Variants in CARMIL1 observed in about 807,000 individuals in gnomAD.
The protein encoded by CARMIL1 is capping protein regulator and myosin 1 linker 1.
A neutral mutation model predicts 177.1 loss-of-function variants in CARMIL1; 90 were observed. The ratio of observed to expected loss-of-function variants is 0.51; its 90% CI spans 0.43 to 0.61. CARMIL1 has a LOEUF of 0.61. Ranked by LOEUF, CARMIL1 falls within the 20% of genes least tolerant of loss-of-function variation. The probability of loss-of-function intolerance (pLI) is 0.00; values close to 1 mark genes in which losing one functional copy is unlikely to be tolerated. For missense variants in CARMIL1, 1,380 were observed against 1,667.0 expected (o/e 0.83, Z 3.00); for synonymous variants, 577 against 606.2 (o/e 0.95, Z 0.71).
chr6:25,463,624 A>C (rs964812977), intron 8 of CARMIL1, among the ~76,000 whole-genome samples: 1 of 152,214 alleles, frequency 6.6e-6, no homozygotes, highest in Non-Finnish European at 1.5e-5. Context: ...CTGAATGTTG[A>C]AATATACAAG....
intron 2 of CARMIL1, among the ~76,000 whole-genome samples, chr6:25,390,819 T>C (rs559542766): frequency 6.6e-6 from 1 of 152,194 alleles, no homozygotes; most frequent in Non-Finnish European, 1.5e-5. Context: ...GCCTTCCCAG[T>C]AGCTGGGATT....
intron 2 of CARMIL1, among the ~76,000 whole-genome samples, chr6:25,369,207 T>C (rs995488737): frequency 6.6e-6 from 1 of 152,160 alleles, no homozygotes; most frequent in African/African-American, 2.4e-5. Context: ...TAGGGAACGC[T>C]TCTTGGAAGT....
chr6:25,315,002 G>T (rs1002984283), intron 2 of CARMIL1, among the ~76,000 whole-genome samples: 1 of 152,066 alleles, frequency 6.6e-6, no homozygotes. Flanking sequence ...AAATACAATA[G>T]CTCCTATTTA....
intron 8 of CARMIL1, among the ~76,000 whole-genome samples, chr6:25,459,404 A>G (rs1030678929): frequency 2.0e-5 from 3 of 149,832 alleles, no homozygotes; most frequent in African/African-American, 7.4e-5. Flanking sequence ...TTATATTTTT[A>G]ATGTTTTACA....
intron 23 of CARMIL1, among the ~76,000 whole-genome samples, chr6:25,526,015 A>G (rs1807060038): frequency 6.6e-6 from 1 of 152,034 alleles, no homozygotes; most frequent in African/African-American, 2.4e-5. Context: ...AGGTATAGAA[A>G]ATGGACATTC....
At chr6:25,335,573 A>T (rs1786125536) in intron 2 of CARMIL1, among the ~76,000 whole-genome samples, 1 of 152,246 alleles carries the variant, frequency 6.6e-6, no homozygotes, top group Admixed American at 6.5e-5. Context: ...TAAAGGAGAG[A>T]AATAGGATGA....
chr6:25,442,908 C>A (rs1415067720), intron 5 of CARMIL1, among the ~76,000 whole-genome samples: 1 of 152,120 alleles, frequency 6.6e-6, no homozygotes, highest in East Asian at 1.9e-4. Flanking sequence ...AAAACTGAGG[C>A]TCTGGTTTCC....
chr6:25,605,442 G>C lies in CARMIL1; in HGVS notation c.3634+549G>C, dbSNP rs538314068. 4.9e-4 allele frequency among the ~76,000 whole-genome samples: 74 copies of C among 152,322 alleles called. 1 individual carries two copies. Among genetic ancestry groups the C allele is most frequent in the South Asian group, 8.3e-4 (4 of 4,832 alleles). On this transcript the variant is annotated intron_variant, in intron 34 of 36. Coordinates refer to ENST00000329474, the MANE Select transcript of CARMIL1 (RefSeq NM_017640.6). ...AGAATCCTCACTTTGCTATTTGAGA[G>C]TCTTATGCATAGCTACAGTATCTTG... is the stretch of plus-strand genomic sequence containing the variant.
intron 2 of CARMIL1, among the ~76,000 whole-genome samples, chr6:25,407,204 C>G (rs1376270308): frequency 6.6e-6 from 1 of 151,980 alleles, no homozygotes; most frequent in African/African-American, 2.4e-5. Context: ...GTATGGGTAC[C>G]TTTTTTGAGA....
In CARMIL1 at chr6:25,509,580, C is replaced by T; in HGVS notation, c.1396-76C>T. ...AAGTTTATTTTAAGACTGACTGTCTCTCCTATTTTTAATTTTTTGATTACA... is the reference window on the plus strand; with the variant it reads ...AAGTTTATTTTAAGACTGACTGTCTTTCCTATTTTTAATTTTTTGATTACA... On this transcript the variant is annotated intron_variant, in intron 17 of 36. Coordinates refer to ENST00000329474, the MANE Select transcript of CARMIL1 (RefSeq NM_017640.6). The surrounding 1 kb of genome is among the most constrained non-coding windows in gnomAD (Gnocchi z 4.1). 1.1e-6 allele frequency: 1 copy of T among 914,416 alleles called. No individual in the cohort carries two copies. Among genetic ancestry groups the T allele is most frequent in the Non-Finnish European group, 1.7e-6 (1 of 578,750 alleles). The allele number at this position is 914,416 out of a possible 1,614,324, so 56.6% of individuals were successfully genotyped here.
chr6:25,462,963 G>GT (rs982071287), intron 8 of CARMIL1, among the ~76,000 whole-genome samples: 19 of 152,128 alleles, frequency 1.2e-4, no homozygotes, highest in African/African-American at 4.1e-4. Context: ...CCTTCTAATT[G>GT]TTTTTTTAAC....
At chr6:25,579,664 C>T (rs1179303082) in intron 29 of CARMIL1, among the ~76,000 whole-genome samples, 1 of 152,096 alleles carries the variant, frequency 6.6e-6, no homozygotes, top group Non-Finnish European at 1.5e-5. Context: ...CTGCCTTTAA[C>T]AAAACCTTGA....
intron 2 of CARMIL1, among the ~76,000 whole-genome samples, chr6:25,355,792 C>A (rs772480031): frequency 2.0e-5 from 3 of 152,154 alleles, no homozygotes; most frequent in African/African-American, 7.2e-5. Flanking sequence ...AAAGAGAAAA[C>A]CACATGAAAT....
rs557966400 is a variant in CARMIL1 at position 25,341,584 on chromosome 6, T to C, written c.138+56675T>C. Among the ~76,000 whole-genome samples the C allele has an allele frequency of 2.0e-5, 3 of 152,292 alleles. No individual in the cohort carries two copies. The South Asian group carries it at 6.2e-4, about 32-fold the overall frequency. ...ACTAAAAATACAAAAATTAGCGTGG[T>C]GCACACGCCTGTAGTCCCAGCTACT... On this transcript the variant is annotated intron_variant, in intron 2 of 36. Transcript: ENST00000329474.
In CARMIL1 at chr6:25,471,261, A is replaced by G. The variant is rs1801074789; in HGVS notation, c.779+4A>G. The G allele has an allele frequency of 6.2e-7, 1 of 1,600,074 alleles. No individual in the cohort carries two copies. The highest frequency in any genetic ancestry group is 1.3e-5 in the African/African-American group (1 of 74,438). On this transcript the variant is annotated splice_donor_region_variant and intron_variant, in intron 10 of 36. Transcript: ENST00000329474. ...TGGAAAATGCTGGACTTAGAACGTG[A>G]GTATTTTCCTGAATATATAAATATG... is the stretch of plus-strand genomic sequence containing the variant.
rs145866979 is a variant in CARMIL1 at position 25,407,392 on chromosome 6, C to T, written c.139-12722C>T. ...GGTGGGATGTAACCCAGAGCCCACA[C>T]GAAGGGACGGGCATTTATCTCCAGC... is the stretch of plus-strand genomic sequence containing the variant. On this transcript the variant is annotated intron_variant, in intron 2 of 36. Coordinates refer to ENST00000329474, the MANE Select transcript of CARMIL1 (RefSeq NM_017640.6). Among the ~76,000 whole-genome samples the T allele has an allele frequency of 1.9e-3, 226 of 121,004 alleles. 1 individual carries two copies. Among genetic ancestry groups the T allele is most frequent in the African/African-American group, 6.9e-3 (208 of 30,138 alleles). The allele number at this position is 121,004 out of a possible 152,430, so 79.4% of individuals were successfully genotyped here.
chr6:25,345,179 T>C (rs1479882195), intron 2 of CARMIL1, among the ~76,000 whole-genome samples: 5 of 152,162 alleles, frequency 3.3e-5, no homozygotes, highest in Admixed American at 6.5e-5. Context: ...CCCTTCTTAC[T>C]TCATTTACCA....
chr6:25,459,266 C>CTTTCTTTCTTTCTTTCTTTTCTTTCTTTT, intron 8 of CARMIL1, among the ~76,000 whole-genome samples: 1 of 73,754 alleles, frequency 1.4e-5, no homozygotes, highest in South Asian at 4.2e-4. Flanking sequence ...TTCTTTCTTT[C>CTTTCTTTCTTTCTTTCTTTTCTTTCTTTT]TTTTTTTTTT....
intron 2 of CARMIL1, among the ~76,000 whole-genome samples, chr6:25,296,179 C>T (rs1265661665): frequency 6.6e-6 from 1 of 152,182 alleles, no homozygotes; most frequent in Non-Finnish European, 1.5e-5. Flanking sequence ...GGTCCTTCCC[C>T]ACTCCACTAG....
Sources: gnomAD v4.1 joint callset for allele counts (sites outside exome capture counted in the v4.1 genomes callset) on GRCh38, gnomAD v4.1.1 for gene constraint, Gnocchi (gnomAD v3.1) non-coding constraint, MANE v1.5 for transcripts, NCBI Gene and HGNC (gene_info 2026-07-23, HGNC 2026-07-21) for gene names.